Variants in SCNN1B observed in about 807,000 individuals in gnomAD.
SCNN1B encodes the protein epithelial sodium channel subunit beta.
SCNN1B carries 46 observed loss-of-function variants against 65.3 expected under a neutral mutation model. The observed-to-expected ratio is 0.70, with a 90% confidence interval of 0.56 to 0.90. SCNN1B has a LOEUF of 0.90. Among genes scored for constraint, SCNN1B ranks in the 40% least tolerant of loss-of-function variants. The pLI is 0.00. For synonymous variants in SCNN1B, 349 were observed against 330.6 expected, an observed-to-expected ratio of 1.06 and a Z score of -0.60; for missense variants, 751 against 830.5, an observed-to-expected ratio of 0.90 and a Z score of 1.18.
intron 2 of SCNN1B, among the ~76,000 whole-genome samples, chr16:23,285,662 T>TA (rs545212473): frequency 2.7e-4 from 31 of 116,722 alleles, no homozygotes; most frequent in African/African-American, 9.5e-4. Flanking sequence ...ACAATAATAA[T>TA]AAAAAAAAAT....
Position 23,305,544 on chromosome 16 carries a change from ATATATATAT to A in SCNN1B, c.-9+3108_-9+3116del. Among the ~76,000 whole-genome samples the A allele has an allele frequency of 6.5e-5, 2 of 30,630 alleles. 1 individual carries two copies. The highest frequency in any genetic ancestry group is 2.2e-3 in the South Asian group (2 of 914). The allele number at this position is 30,630 out of a possible 152,430, so 20.1% of individuals were successfully genotyped here. On this transcript the variant is annotated intron_variant, in intron 1 of 12. Transcript: ENST00000343070. Reference sequence around the variant, plus strand: ...TACCAAATATATATATTATATATATATATATATATATATATATATATATATATATATATT... The same window carrying A: ...TACCAAATATATATATTATATATATAATATATATATATATATATATATATT...
At chr16:23,294,861 C>T (rs6497660) in intron 2 of SCNN1B, among the ~76,000 whole-genome samples, 36,189 of 151,658 alleles carry the variant, frequency 0.24, 4,614 homozygotes, top group African/African-American at 0.33. Context: ...GGCATGGTGG[C>T]GCGCGCCTGG....
At chr16:23,309,044 C>T (rs1371966247) in intron 1 of SCNN1B, among the ~76,000 whole-genome samples, 1 of 152,146 alleles carries the variant, frequency 6.6e-6, no homozygotes, top group African/African-American at 2.4e-5. Context: ...GTGGATGGTG[C>T]AGAGTTCTGT....
chr16:23,359,883 G>A (rs1037852073), intron 4 of SCNN1B, among the ~76,000 whole-genome samples: 1 of 152,202 alleles, frequency 6.6e-6, no homozygotes, highest in Non-Finnish European at 1.5e-5. Flanking sequence ...CTGGCACATA[G>A]TAAACATTAT....
intron 2 of SCNN1B, among the ~76,000 whole-genome samples, chr16:23,289,096 C>T (rs1210527633): frequency 6.6e-6 from 1 of 152,250 alleles, no homozygotes; most frequent in Non-Finnish European, 1.5e-5. Context: ...ACTAGATCAG[C>T]CTCCCCATAC....
At chr16:23,282,689 A>G (rs1960799629) in intron 1 of SCNN1B, among the ~76,000 whole-genome samples, 1 of 152,252 alleles carries the variant, frequency 6.6e-6, no homozygotes, top group South Asian at 2.1e-4. Flanking sequence ...CTAGTGTGCC[A>G]TGTCAGTTTA....
At position 23,380,571 on chromosome 16, in the gene SCNN1B, C is replaced by T. The variant is rs766531294; in HGVS notation, c.1693C>T (p.Arg565Trp). The change falls in exon 13 of 13, where the codon CGG becomes TGG. Residue 565 changes from arginine to tryptophan, a missense_variant. Physicochemically the swap from Arg to Trp is moderately radical, Grantham distance 101. Transcript: ENST00000343070. This position sits in a 1 kb window ranked among gnomAD's most constrained non-coding sequence, Gnocchi z 5.4. ...LVALAKSLRQRRAQASYAGPP... is the reference protein window; with the variant it reads ...LVALAKSLRQWRAQASYAGPP... Reference sequence around the variant, plus strand: ...GGCCTTGGCCAAGAGCCTACGGCAGCGGCGAGCCCAAGCCAGCTACGCTGG... The same window carrying T: ...GGCCTTGGCCAAGAGCCTACGGCAGTGGCGAGCCCAAGCCAGCTACGCTGG... The T allele has an allele frequency of 4.2e-5, 67 of 1,614,058 alleles. No homozygotes were observed. Among genetic ancestry groups the T allele is most frequent in the Non-Finnish European group, 5.4e-5 (64 of 1,180,038 alleles).
chr16:23,380,727 C>T lies in SCNN1B; in HGVS notation c.1849C>T (p.Pro617Ser), dbSNP rs137852708. The T allele has an allele frequency of 6.2e-7, 1 of 1,612,148 alleles. No individual in the cohort carries two copies. Among genetic ancestry groups the T allele is most frequent in the Non-Finnish European group, 8.5e-7 (1 of 1,179,458 alleles). Residue 617 changes from proline to serine, a missense_variant, in exon 13 of 13, where the codon CCC (proline) becomes TCC (serine). By Grantham distance (74) the Pro-to-Ser change is moderately conservative. Coordinates refer to ENST00000343070, the MANE Select transcript of SCNN1B (RefSeq NM_000336.3). This position sits in a 1 kb window ranked among gnomAD's most constrained non-coding sequence, Gnocchi z 5.4. ...GGCCCTGCCCATCCCAGGCACCCCG[C>T]CCCCCAACTATGACTCCCTGCGTCT... ...EQALPIPGTP[P>S]PNYDSLRLQP...
intron 1 of SCNN1B, among the ~76,000 whole-genome samples, chr16:23,347,759 T>C (rs1244140504): frequency 6.6e-6 from 1 of 152,022 alleles, no homozygotes; most frequent in Non-Finnish European, 1.5e-5. Flanking sequence ...AATACAAAAA[T>C]TCACTGATAT....
At chr16:23,334,692 T>C (rs1347798339) in intron 1 of SCNN1B, among the ~76,000 whole-genome samples, 1 of 152,228 alleles carries the variant, frequency 6.6e-6, no homozygotes, top group East Asian at 1.9e-4. Context: ...TCAAGCTGTT[T>C]CCCATTTGAG....
intron 7 of SCNN1B, 70 bp from the exon 8 acceptor site, chr16:23,375,668 C>A: frequency 9.1e-7 from 1 of 1,104,928 alleles, no homozygotes; most frequent in African/African-American, 1.5e-5. Flanking sequence ...CTGGACACCC[C>A]TGGTGCTGGA....
chr16:23,345,976 C>A lies in SCNN1B; in HGVS notation c.-8-2616C>A, dbSNP rs1962177189. ...CTGCCGCAGGTTCCTGCTCTGTGTC[C>A]AGAGAGAAGGGAGGGGGAAGCAGGA... On this transcript the variant is annotated intron_variant, in intron 1 of 12. Transcript: ENST00000343070. 3.9e-5 allele frequency among the ~76,000 whole-genome samples: 6 copies of A among 152,160 alleles called. No individual in the cohort carries two copies. In the South Asian group the frequency reaches 1.2e-3, roughly 32 times the overall value.
At chr16:23,323,708 G>GTT in intron 1 of SCNN1B, 1 of 655,638 alleles carries the variant, frequency 1.5e-6, no homozygotes, top group African/African-American at 1.8e-5. Flanking sequence ...CTGGGACCAG[G>GTT]TTGCAAGGTG....
intron 1 of SCNN1B, among the ~76,000 whole-genome samples, chr16:23,328,444 A>T (rs1200925668): frequency 6.6e-6 from 1 of 152,190 alleles, no homozygotes; most frequent in African/African-American, 2.4e-5. Context: ...ATCCTTGTAC[A>T]TCTCAAAGTC....
chr16:23,363,101 G>T (rs1962585148), intron 4 of SCNN1B, among the ~76,000 whole-genome samples: 1 of 152,178 alleles, frequency 6.6e-6, no homozygotes, highest in South Asian at 2.1e-4. Context: ...TGGGACTTGG[G>T]TGTCACTTCT....
intron 1 of SCNN1B, among the ~76,000 whole-genome samples, chr16:23,318,905 C>A (rs767717944): frequency 6.6e-6 from 1 of 152,182 alleles, no homozygotes; most frequent in Non-Finnish European, 1.5e-5. Flanking sequence ...CTTGATTGGG[C>A]CTTGTCAACA....
intron 1 of SCNN1B, among the ~76,000 whole-genome samples, chr16:23,307,229 T>C (rs1445217558): frequency 6.6e-6 from 1 of 151,856 alleles, no homozygotes; most frequent in Non-Finnish European, 1.5e-5. Flanking sequence ...ACTGCACAGT[T>C]CCTAGCATAG....
chr16:23,327,616 T>C (rs1961723923), intron 1 of SCNN1B, among the ~76,000 whole-genome samples: 1 of 152,180 alleles, frequency 6.6e-6, no homozygotes, highest in African/African-American at 2.4e-5. Context: ...TATCGTAGTT[T>C]GTGGAACCCT....
chr16:23,349,637 C>T (rs763049869), intron 2 of SCNN1B, among the ~76,000 whole-genome samples: 1 of 152,148 alleles, frequency 6.6e-6, no homozygotes, highest in East Asian at 1.9e-4. Flanking sequence ...ATCGATTCCA[C>T]GCGTGTTTAC....
Sources: allele counts gnomAD v4.1 joint callset (sites outside exome capture counted in the v4.1 genomes callset), GRCh38; gene constraint gnomAD v4.1.1; non-coding constraint Gnocchi (gnomAD v3.1); transcripts MANE v1.5; gene names NCBI Gene and HGNC (gene_info 2026-07-23, HGNC 2026-07-21).